The following CPLX2 variants were observed in gnomAD, a reference collection of about 807,000 sequenced individuals.
The protein encoded by CPLX2 is complexin 2, also known as complexin-2.
Under a neutral mutation model 16.3 loss-of-function variants are expected in CPLX2, and 5 were observed. The observed-to-expected ratio is 0.31, with a 90% CI of 0.16 to 0.64. The LOEUF (loss-of-function observed/expected upper bound fraction) is 0.64. Ranked by LOEUF, CPLX2 falls within the 30% of genes least tolerant of loss-of-function variation. CPLX2 has a pLI of 0.79. For synonymous variants in CPLX2, 89 were observed against 73.2 expected, an observed-to-expected ratio of 1.22 and a Z score of -1.10; for missense variants, 144 against 181.4, an observed-to-expected ratio of 0.79 and a Z score of 1.18.
chr5:175,860,152 G>A (rs559733187), intron 2 of CPLX2, among the ~76,000 whole-genome samples: 1 of 152,300 alleles, frequency 6.6e-6, no homozygotes, highest in Admixed American at 6.5e-5. Flanking sequence ...CCAGTCACCA[G>A]CTGCTCAGTC....
intron 2 of CPLX2, among the ~76,000 whole-genome samples, chr5:175,822,826 C>T (rs1384259582): frequency 2.0e-5 from 3 of 152,212 alleles, no homozygotes; most frequent in African/African-American, 4.8e-5. Context: ...CTGGGTCCCA[C>T]GCTATCACAC....
intron 2 of CPLX2, among the ~76,000 whole-genome samples, chr5:175,844,407 G>A (rs539971359): frequency 9.4e-4 from 143 of 152,346 alleles, no homozygotes; most frequent in African/African-American, 2.3e-3. Flanking sequence ...CAGGCACTGC[G>A]GTTAGAGGGG....
rs187040237 is a variant in CPLX2, at chr5:175,830,307, T to A, written c.-89+21239T>A. On this transcript the variant is annotated intron_variant, in intron 2 of 4. Transcript: ENST00000359546. The surrounding 1 kb of genome is among the most constrained non-coding windows in gnomAD (Gnocchi z 4.0). ...TCACAACTCATGAGAGAGGAAGAGA[T>A]GATTAGCCCCATTTTTCAGCTGAAA... is the stretch of plus-strand genomic sequence containing the variant. Among the ~76,000 whole-genome samples, 114 of 152,182 alleles carry A rather than the reference T, an allele frequency of 7.5e-4. No individual in the cohort carries two copies. Among genetic ancestry groups the A allele is most frequent in the Non-Finnish European group, 1.3e-3 (85 of 67,990 alleles).
rs928971425 is a variant in CPLX2 at position 175,880,679 on chromosome 5, C to A, written c.*634C>A. On this transcript the variant is annotated 3_prime_UTR_variant, in exon 4 of 4. Coordinates refer to ENST00000393745, the MANE Select transcript of CPLX2 (RefSeq NM_001008220.2). ...AGACATGGCCCCTGCCAAGCTGGTC[C>A]CTTCAAATGGATCCTTTGTGGACTT... is the stretch of plus-strand genomic sequence containing the variant. The A allele has an allele frequency of 6.4e-6, 1 of 156,598 alleles. No homozygotes were observed. The highest frequency in any genetic ancestry group is 6.3e-5 in the Admixed American group (1 of 15,992). The allele number at this position is 156,598 out of a possible 1,614,324, so 9.7% of individuals were successfully genotyped here. A position where few individuals can be genotyped will look rare whatever the true frequency, so the allele number is the denominator to read the frequency against.
chr5:175,823,177 C>T (rs1234662455), intron 2 of CPLX2, among the ~76,000 whole-genome samples: 1 of 152,232 alleles, frequency 6.6e-6, no homozygotes, highest in Non-Finnish European at 1.5e-5. Context: ...GTCTCCTTCA[C>T]AGGACTTTAA....
chr5:175,819,367 A>T (rs1353569566), intron 2 of CPLX2, among the ~76,000 whole-genome samples: 1 of 152,206 alleles, frequency 6.6e-6, no homozygotes, highest in Admixed American at 6.5e-5. Flanking sequence ...TACTGTAGCT[A>T]CTTGGTGGAA....
At chr5:175,810,009 G>A (rs1173638056) in intron 2 of CPLX2, among the ~76,000 whole-genome samples, 2 of 152,212 alleles carry the variant, frequency 1.3e-5, no homozygotes, top group East Asian at 1.9e-4. Flanking sequence ...ATGCCACTGA[G>A]GAATTCCAGG....
At chr5:175,812,901 A>C (rs372374846) in intron 2 of CPLX2, among the ~76,000 whole-genome samples, 1 of 152,352 alleles carries the variant, frequency 6.6e-6, no homozygotes, top group East Asian at 1.9e-4. Flanking sequence ...TGATTTTAAA[A>C]AGTGCATTTG....
At chr5:175,807,025 G>A (rs950516540) in intron 1 of CPLX2, among the ~76,000 whole-genome samples, 3 of 152,164 alleles carry the variant, frequency 2.0e-5, no homozygotes, top group Non-Finnish European at 2.9e-5. Context: ...TACACTGAAG[G>A]TGGTGGCATT....
Position 175,882,453 on chromosome 5 carries a change from G to A in CPLX2, c.*2408G>A, listed in dbSNP as rs1437240895. 1 of 152,738 alleles carries A rather than the reference G, an allele frequency of 6.5e-6. No homozygotes were observed. The highest frequency in any genetic ancestry group is 1.5e-5 in the Non-Finnish European group (1 of 68,114). The allele number at this position is 152,738 out of a possible 1,614,324, so 9.5% of individuals were successfully genotyped here. ...CACAGAGAGTACCAGATAGGTAGCA[G>A]AGACCAAGGCGCAGGGTGCTTCAGA... On this transcript the variant is annotated 3_prime_UTR_variant, in exon 4 of 4. Coordinates refer to ENST00000393745, the MANE Select transcript of CPLX2 (RefSeq NM_001008220.2).
chr5:175,808,862 A>G (rs1425807053), intron 1 of CPLX2: 1 of 152,226 alleles, frequency 6.6e-6, no homozygotes, highest in African/African-American at 2.4e-5. Flanking sequence ...AATCAAGAGC[A>G]GCAGTGGTGG....
At chr5:175,798,389 G>A (rs2113617964) in intron 1 of CPLX2, among the ~76,000 whole-genome samples, 1 of 152,332 alleles carries the variant, frequency 6.6e-6, no homozygotes, top group South Asian at 2.1e-4. Context: ...GTGCACTGGG[G>A]AGGCAGAGAA....
chr5:175,878,506 C>A lies in CPLX2; in HGVS notation c.-88-146C>A. On this transcript the variant is annotated intron_variant, in intron 1 of 3. Coordinates refer to ENST00000393745, the MANE Select transcript of CPLX2 (RefSeq NM_001008220.2). The stretch of plus-strand genomic sequence containing the variant: ...CCAGTAAATCGCTCTCTTCCATCTC[C>A]TTTCTCCTCCAGCAGGGCATTGGGT... The A allele has an allele frequency of 5.0e-6, 3 of 595,306 alleles. No homozygotes were observed. In the South Asian group the frequency reaches 6.1e-5, roughly 12 times the overall value. 36.9% of individuals were successfully genotyped at this position (595,306 alleles called of 1,614,324 possible).
intron 1 of CPLX2, among the ~76,000 whole-genome samples, chr5:175,877,653 A>C (rs1311988262): frequency 6.6e-6 from 1 of 152,180 alleles, no homozygotes; most frequent in Non-Finnish European, 1.5e-5. Context: ...AAATACAAAG[A>C]AAATCTCAAG....
intron 2 of CPLX2, among the ~76,000 whole-genome samples, chr5:175,856,795 G>A (rs752837153): frequency 7.9e-5 from 12 of 152,138 alleles, no homozygotes; most frequent in Non-Finnish European, 1.3e-4. Context: ...AAGGTGGGGG[G>A]TGGGGAGGAC....
At chr5:175,850,023 G>C (rs1759119240) in intron 2 of CPLX2, among the ~76,000 whole-genome samples, 1 of 152,256 alleles carries the variant, frequency 6.6e-6, no homozygotes, top group Non-Finnish European at 1.5e-5. Flanking sequence ...GTCATCCTTG[G>C]GAATGTGTGG....
chr5:175,847,725 G>T (rs1422514902), intron 2 of CPLX2, among the ~76,000 whole-genome samples: 2 of 152,158 alleles, frequency 1.3e-5, no homozygotes, highest in Non-Finnish European at 2.9e-5. Context: ...CCACACACAG[G>T]CTCCACTACA....
chr5:175,854,947 C>A (rs1249362682), intron 2 of CPLX2, among the ~76,000 whole-genome samples: 1 of 152,196 alleles, frequency 6.6e-6, no homozygotes, highest in Non-Finnish European at 1.5e-5. Context: ...GTCATCTCTG[C>A]CTCTGGGGGA....
intron 2 of CPLX2, among the ~76,000 whole-genome samples, chr5:175,816,207 C>T (rs528159391): frequency 1.3e-5 from 2 of 151,852 alleles, no homozygotes; most frequent in South Asian, 4.2e-4. Flanking sequence ...CTCACTCTGT[C>T]GCCAGGCTGG....
Sources: gnomAD v4.1 joint callset for allele counts (sites outside exome capture counted in the v4.1 genomes callset) on GRCh38, gnomAD v4.1.1 for gene constraint, Gnocchi (gnomAD v3.1) non-coding constraint, MANE v1.5 for transcripts, NCBI Gene and HGNC (gene_info 2026-07-23, HGNC 2026-07-21) for gene names.